CTNNBL1: variants seen among roughly 807,000 people sequenced by gnomAD.
The protein encoded by CTNNBL1 is beta-catenin-like protein 1.
Under a neutral mutation model 72.7 loss-of-function variants are expected in CTNNBL1, and 31 were observed. The ratio of observed to expected loss-of-function variants is 0.43; its 90% CI spans 0.32 to 0.58. The LOEUF (loss-of-function observed/expected upper bound fraction) is 0.58. Among genes scored for constraint, CTNNBL1 ranks in the 20% least tolerant of loss-of-function variants. The pLI is 0.08. For missense variants in CTNNBL1, 534 were observed against 725.1 expected (o/e 0.74, Z 3.03); for synonymous variants, 240 against 267.3 (o/e 0.90, Z 1.00).
chr20:37,787,343 G>GTTTTT lies in CTNNBL1; in HGVS notation c.1031+8023_1031+8027dup, dbSNP rs11482375. 1.3e-4 allele frequency among the ~76,000 whole-genome samples: 14 copies of GTTTTT among 107,174 alleles called. 1 individual carries two copies. Among genetic ancestry groups the GTTTTT allele is most frequent in the Non-Finnish European group, 1.6e-4 (9 of 55,910 alleles). The allele number at this position is 107,174 out of a possible 152,430, so 70.3% of individuals were successfully genotyped here. On this transcript the variant is annotated intron_variant, in intron 10 of 15. Transcript: ENST00000361383. Reference sequence around the variant, plus strand: ...TCTTGTTAAAGACACATAACTGTGTGTTTTTTTTTTTTTTTTTTTGAGACG... The same window carrying GTTTTT: ...TCTTGTTAAAGACACATAACTGTGTGTTTTTTTTTTTTTTTTTTTTTTTTGAGACG...
At chr20:37,719,692 A>G (rs191304157) in intron 1 of CTNNBL1, among the ~76,000 whole-genome samples, 4 of 152,206 alleles carry the variant, frequency 2.6e-5, no homozygotes, top group African/African-American at 9.7e-5. Context: ...TTTTAAATGT[A>G]ATAACCTTAG....
At chr20:37,756,197 C>T in intron 4 of CTNNBL1, 1 of 152,200 alleles carries the variant, frequency 6.6e-6, no homozygotes, top group East Asian at 1.9e-4. Flanking sequence ...TTCATATTGT[C>T]TGTGTGTATT....
intron 1 of CTNNBL1, among the ~76,000 whole-genome samples, chr20:37,730,478 C>T (rs1459500125): frequency 6.6e-6 from 1 of 152,182 alleles, no homozygotes; most frequent in East Asian, 1.9e-4. Flanking sequence ...TGTCCATTTA[C>T]AGATGAGGAA....
intron 15 of CTNNBL1, among the ~76,000 whole-genome samples, chr20:37,870,897 C>T (rs2072578332): frequency 6.6e-6 from 1 of 152,154 alleles, no homozygotes; most frequent in Admixed American, 6.5e-5. Flanking sequence ...GGCTGCCCTG[C>T]CACTCGCTCC....
At chr20:37,769,908 T>A (rs1297957723) in intron 7 of CTNNBL1, among the ~76,000 whole-genome samples, 1 of 152,230 alleles carries the variant, frequency 6.6e-6, no homozygotes, top group African/African-American at 2.4e-5. Flanking sequence ...TATCATATGC[T>A]GCATGGTTTT....
intron 2 of CTNNBL1, among the ~76,000 whole-genome samples, 170 bp downstream of exon 2, chr20:37,733,237 A>G (rs1235706148): frequency 2.0e-5 from 3 of 152,144 alleles, no homozygotes; most frequent in Admixed American, 1.3e-4. Context: ...CAGTTGGGAA[A>G]GCATCTTATG....
chr20:37,694,271 C>A, intron 1 of CTNNBL1, 119 bp downstream of exon 1: 1 of 860,344 alleles, frequency 1.2e-6, no homozygotes, highest in Non-Finnish European at 1.7e-6. Context: ...ACTTCTCATG[C>A]CACCCGGGGT....
chr20:37,770,866 G>A (rs531371502), intron 7 of CTNNBL1, among the ~76,000 whole-genome samples: 2 of 152,344 alleles, frequency 1.3e-5, no homozygotes, highest in South Asian at 2.1e-4. Context: ...TCATTAATTA[G>A]TTAATGAAAT....
chr20:37,789,080 G>A (rs952133090), intron 10 of CTNNBL1, among the ~76,000 whole-genome samples: 2 of 152,106 alleles, frequency 1.3e-5, no homozygotes, highest in African/African-American at 2.4e-5. Flanking sequence ...AGAAAGCAGC[G>A]GGTAGCCATC....
At position 37,779,349 on chromosome 20, in the gene CTNNBL1, G is replaced by A. The variant is rs1600482764; in HGVS notation, c.1031+14G>A. On this transcript the variant is annotated intron_variant, in intron 10 of 15. Transcript: ENST00000361383. ...TCTCATGCTCAGGTATGTTTCGAAT[G>A]CCCTAGTTCTCCCACCTTTTTTGCC... The A allele has an allele frequency of 1.9e-6, 3 of 1,609,330 alleles. No homozygotes were observed. In the East Asian group the frequency reaches 6.7e-5, roughly 36 times the overall value.
chr20:37,717,314 T>C lies in CTNNBL1; in HGVS notation c.31-15565T>C, dbSNP rs6122903. Among the ~76,000 whole-genome samples the C allele has an allele frequency of 5.2e-4, 79 of 152,384 alleles. 1 individual carries two copies. The East Asian group carries it at 0.014, about 27-fold the overall frequency. On this transcript the variant is annotated intron_variant, in intron 1 of 15. Coordinates refer to ENST00000361383, the MANE Select transcript of CTNNBL1 (RefSeq NM_030877.5). ...CAGTATTCCACTGGCTGGAGACTTCTCTGTTAACAGGTATGTCTTGTAACG... is the reference window on the plus strand; with the variant it reads ...CAGTATTCCACTGGCTGGAGACTTCCCTGTTAACAGGTATGTCTTGTAACG...
At chr20:37,820,499 C>T (rs1003094724) in intron 11 of CTNNBL1, among the ~76,000 whole-genome samples, 6 of 152,078 alleles carry the variant, frequency 3.9e-5, no homozygotes, top group African/African-American at 1.4e-4. Flanking sequence ...GGTTTGGCTC[C>T]GTGTCTCAAC....
intron 13 of CTNNBL1, among the ~76,000 whole-genome samples, chr20:37,843,352 G>A (rs2179319): frequency 0.82 from 124,107 of 152,090 alleles, 50,695 homozygotes; most frequent in Middle Eastern, 0.89. Flanking sequence ...ACTGATTTTA[G>A]TATAGCCCTC....
At chr20:37,866,519 T>C (rs2072538305) in intron 15 of CTNNBL1, among the ~76,000 whole-genome samples, 1 of 152,226 alleles carries the variant, frequency 6.6e-6, no homozygotes, top group African/African-American at 2.4e-5. Context: ...GGTGAAGTGC[T>C]GTATGTACAG....
chr20:37,785,890 G>A (rs2073668884), intron 10 of CTNNBL1, among the ~76,000 whole-genome samples: 2 of 152,268 alleles, frequency 1.3e-5, no homozygotes, highest in East Asian at 1.9e-4. Flanking sequence ...TCTTGGGAAG[G>A]CTTTCCAGGT....
rs528737148 is a variant in CTNNBL1, at chr20:37,821,297, G to T, written c.1213+18249G>T. 2.6e-5 allele frequency among the ~76,000 whole-genome samples: 4 copies of T among 152,326 alleles called. No individual in the cohort carries two copies. The South Asian group carries it at 8.3e-4, about 32-fold the overall frequency. On this transcript the variant is annotated intron_variant, in intron 11 of 15. Coordinates refer to ENST00000361383, the MANE Select transcript of CTNNBL1 (RefSeq NM_030877.5). ...TGGTTGGCTTGCTTGTTTCCACTCAGCTGTGAGCTCCGCTAGGCAAGAACT... is the reference window on the plus strand; with the variant it reads ...TGGTTGGCTTGCTTGTTTCCACTCATCTGTGAGCTCCGCTAGGCAAGAACT...
intron 11 of CTNNBL1, among the ~76,000 whole-genome samples, chr20:37,822,676 C>T (rs1341856989): frequency 6.6e-6 from 1 of 152,158 alleles, no homozygotes; most frequent in Non-Finnish European, 1.5e-5. Flanking sequence ...AGAAAGCTGG[C>T]TCATGAAGTG....
chr20:37,739,872 C>G (rs1035839915), intron 3 of CTNNBL1, among the ~76,000 whole-genome samples: 2 of 152,184 alleles, frequency 1.3e-5, no homozygotes, highest in African/African-American at 4.8e-5. Context: ...ATCCCCATTG[C>G]TTGAACCTAA....
intron 13 of CTNNBL1, among the ~76,000 whole-genome samples, chr20:37,854,833 C>T (rs945934989): frequency 2.6e-5 from 4 of 151,892 alleles, no homozygotes; most frequent in Non-Finnish European, 4.4e-5. Context: ...AAGTGATTCG[C>T]CCACCTCAGC....
Sources: gnomAD v4.1 joint callset for allele counts (sites outside exome capture counted in the v4.1 genomes callset) on GRCh38, gnomAD v4.1.1 for gene constraint, MANE v1.5 for transcripts, NCBI Gene and HGNC (gene_info 2026-07-23, HGNC 2026-07-21) for gene names.